Variants in DNAH1 observed in about 807,000 individuals in gnomAD.
DNAH1 encodes dynein axonemal heavy chain 1, also known as axonemal beta dynein heavy chain 1.
DNAH1 carries 327 observed loss-of-function variants against 484.3 expected under a neutral mutation model. The ratio of observed to expected loss-of-function variants is 0.68; its 90% CI spans 0.62 to 0.74. DNAH1 has a LOEUF of 0.74. Among genes scored for constraint, DNAH1 ranks in the 30% least tolerant of loss-of-function variants. The pLI, the probability that DNAH1 is intolerant of heterozygous loss-of-function variation, is 0.00. For missense variants in DNAH1, 5,052 were observed against 5,546.8 expected (o/e 0.91, Z 2.83); for synonymous variants, 2,192 against 2,191.9 (o/e 1.00, Z 0.00).
At chr3:52,323,205 G>A (rs1404167386) in intron 2 of DNAH1, among the ~76,000 whole-genome samples, 2 of 152,166 alleles carry the variant, frequency 1.3e-5, no homozygotes, top group African/African-American at 2.4e-5. Flanking sequence ...GGGCCTGGGA[G>A]CATGTTCCAG....
Position 52,366,364 on chromosome 3 carries a change from G to A in DNAH1, c.5519-93G>A, listed in dbSNP as rs908097111. On this transcript the variant is annotated intron_variant, in intron 34 of 77. Coordinates refer to ENST00000420323, the MANE Select transcript of DNAH1 (RefSeq NM_015512.5). Reference sequence around the variant, plus strand: ...AGATGAGGAAATTGAGGCTCAGGGAGTGCAGTGACTCACCCAAGGTCACAC... The same window carrying A: ...AGATGAGGAAATTGAGGCTCAGGGAATGCAGTGACTCACCCAAGGTCACAC... The A allele has an allele frequency of 5.2e-6, 5 of 958,138 alleles. No homozygotes were observed. In the Admixed American group the frequency reaches 6.8e-5, roughly 13 times the overall value. 59.4% of individuals were successfully genotyped at this position (958,138 alleles called of 1,614,324 possible).
chr3:52,359,383 G>A lies in DNAH1; in HGVS notation c.4404G>A (p.Gln1468=). ...LRSQLFPQLC[Q]QLSDLVALVR... ...GCCAACTGTTCCCCCAGCTCTGCCA[G>A]CAGGTTGGAGTCAAGAGGACCCCTG... is the stretch of plus-strand genomic sequence containing the variant. The change falls in exon 26 of 78, where the codon CAG becomes CAA. Residue 1468 remains glutamine (Q), a synonymous_variant. Transcript: ENST00000420323. 6.4e-7 allele frequency: 1 copy of A among 1,569,594 alleles called. No individual in the cohort carries two copies. The highest frequency in any genetic ancestry group is 8.6e-7 in the Non-Finnish European group (1 of 1,156,782).
In DNAH1 at chr3:52,331,236, C is replaced by T. The variant is rs1052358371; in HGVS notation, c.960C>T (p.His320=). The T allele has an allele frequency of 5.6e-6, 9 of 1,611,234 alleles. No individual in the cohort carries two copies. Among genetic ancestry groups the T allele is most frequent in the East Asian group, 2.2e-5 (1 of 44,850 alleles). Residue 320 remains histidine (H), a synonymous_variant, in exon 7 of 78, where the codon CAC becomes CAT. Coordinates refer to ENST00000420323, the MANE Select transcript of DNAH1 (RefSeq NM_015512.5). Reference sequence around the variant, plus strand: ...AGGAGAAGAAGCTATACCTGGTACACAAGACAGACGAGAAAGGCCTGGTGC... The same window carrying T: ...AGGAGAAGAAGCTATACCTGGTACATAAGACAGACGAGAAAGGCCTGGTGC... ...YDEEKKLYLV[H]KTDEKGLVRD...
chr3:52,398,644 A>G (rs1704750078), intron 75 of DNAH1, among the ~76,000 whole-genome samples: 1 of 151,936 alleles, frequency 6.6e-6, no homozygotes, highest in East Asian at 1.9e-4. Context: ...GTGACCCCAA[A>G]ATGTTCCGTA....
intron 62 of DNAH1, 26 bp downstream of exon 62, chr3:52,391,354 G>T (rs542372397): frequency 1.3e-6 from 2 of 1,599,018 alleles, no homozygotes; most frequent in South Asian, 1.1e-5. Flanking sequence ...TGATGGCAGG[G>T]TGGCAGTAGG....
intron 16 of DNAH1, 96 bp downstream of exon 16, chr3:52,350,686 C>G (rs1559514755): frequency 1.8e-6 from 2 of 1,131,608 alleles, no homozygotes; most frequent in Non-Finnish European, 2.6e-6. Context: ...CTGCCACAGT[C>G]TGTGCAATCT....
chr3:52,345,355 G>A, intron 9 of DNAH1, 140 bp from the exon 10 acceptor site: 1 of 703,756 alleles, frequency 1.4e-6, no homozygotes, highest in Non-Finnish European at 2.4e-6. Flanking sequence ...CTATGGAAAG[G>A]CGGGGCTCTG....
chr3:52,373,820 C>T, intron 44 of DNAH1: 1 of 1,421,924 alleles, frequency 7.0e-7, no homozygotes, highest in South Asian at 1.2e-5. Context: ...GGAATGTGAT[C>T]ACAGAGCCTG....
chr3:52,362,770 G>A lies in DNAH1; in HGVS notation c.5095-225G>A, dbSNP rs1702916779. On this transcript the variant is annotated intron_variant, in intron 31 of 77. Transcript: ENST00000420323. This position sits in a 1 kb window ranked among gnomAD's most constrained non-coding sequence, Gnocchi z 5.1. ...CTTCAGGAGAAACAGGAAAACAGGA[G>A]CCAAGAGGGGCATCTCCTGGGAGTC... Among the ~76,000 whole-genome samples, 2 of 152,170 alleles carry A rather than the reference G, an allele frequency of 1.3e-5. No individual in the cohort carries two copies. Among genetic ancestry groups the A allele is most frequent in the Admixed American group, 1.3e-4 (2 of 15,280 alleles).
At chr3:52,372,522 T>A (rs1703390999) in intron 43 of DNAH1, 135 bp downstream of exon 43, 4 of 1,253,996 alleles carry the variant, frequency 3.2e-6, no homozygotes, top group Non-Finnish European at 4.4e-6. Context: ...AGCCCCCCAA[T>A]GGGCCCAGGG....
chr3:52,328,685 G>A (rs1282903815), intron 6 of DNAH1, among the ~76,000 whole-genome samples: 1 of 152,272 alleles, frequency 6.6e-6, no homozygotes, highest in East Asian at 1.9e-4. Flanking sequence ...CAGCGGCTGT[G>A]GAGGCTCTCC....
At position 52,362,589 on chromosome 3, in the gene DNAH1, G is replaced by C. The variant is rs776619066; in HGVS notation, c.5094+88G>C. 1 of 1,194,102 alleles carries C rather than the reference G, an allele frequency of 8.4e-7. No individual in the cohort carries two copies. The highest frequency in any genetic ancestry group is 1.2e-6 in the Non-Finnish European group (1 of 833,588). The allele number at this position is 1,194,102 out of a possible 1,614,324, so 74.0% of individuals were successfully genotyped here. On this transcript the variant is annotated intron_variant, in intron 31 of 77. Transcript: ENST00000420323. This position sits in a 1 kb window ranked among gnomAD's most constrained non-coding sequence, Gnocchi z 5.1. Reference sequence around the variant, plus strand: ...AAGCCACTTATGCAAGGACACAGTTGCTTGGACTCCAGGGACTGTGATTCC... The same window carrying C: ...AAGCCACTTATGCAAGGACACAGTTCCTTGGACTCCAGGGACTGTGATTCC...
rs759646845 is a variant in DNAH1, at chr3:52,393,014, CAGAG to C, written c.10468_10471del (p.Arg3490GlnfsTer4). ...ATCTTCCTCTCGGGCATCGCCAACT[CAGAG>C]AGAGCAGGTAGCACCGGCATGCCAG... On this transcript the variant is annotated frameshift_variant, in exon 65 of 78. Coordinates refer to ENST00000420323, the MANE Select transcript of DNAH1 (RefSeq NM_015512.5). LOFTEE classifies it high-confidence loss of function. 1.4e-4 allele frequency: 233 copies of C among 1,613,394 alleles called. No individual in the cohort carries two copies. The highest frequency in any genetic ancestry group is 6.2e-4 in the Admixed American group (37 of 60,002).
At chr3:52,382,213 G>T in intron 49 of DNAH1, 107 bp from the exon 50 acceptor site, 1 of 1,576,108 alleles carries the variant, frequency 6.3e-7, no homozygotes, top group East Asian at 2.2e-5. Context: ...GTCTGCCCAG[G>T]ATGGGAGCAG....
At chr3:52,366,618 G>T in intron 35 of DNAH1, 70 bp downstream of exon 35, 1 of 1,553,686 alleles carries the variant, frequency 6.4e-7, no homozygotes, top group East Asian at 2.4e-5. Context: ...CTTCAACAGG[G>T]GTTGGCCTCC....
Position 52,326,853 on chromosome 3 carries a change from G to A in DNAH1, c.700G>A (p.Gly234Ser), listed in dbSNP as rs1300439289. 4.3e-6 allele frequency: 7 copies of A among 1,613,178 alleles called. No individual in the cohort carries two copies. In the African/African-American group the frequency reaches 9.4e-5, roughly 22 times the overall value. ...CCAGCACCCCCAAACCATCGAACAG[G>A]GCCATGACCCAATCTTCCCCATCTA... ...DHQHPQTIEQ[G>S]HDPIFPIYLP... Residue 234 changes from glycine (G) to serine (S), a missense_variant, in exon 5 of 78, where the codon GGC becomes AGC. Coordinates refer to ENST00000420323, the MANE Select transcript of DNAH1 (RefSeq NM_015512.5).
At chr3:52,394,736 C>A (rs930365420) in intron 67 of DNAH1, 75 bp downstream of exon 67, 2 of 1,509,920 alleles carry the variant, frequency 1.3e-6, no homozygotes, top group Non-Finnish European at 1.8e-6. Context: ...TGTCTGGGCG[C>A]CTTCTCTAAG....
chr3:52,369,317 G>A (rs937820563), intron 37 of DNAH1, among the ~76,000 whole-genome samples: 9 of 152,292 alleles, frequency 5.9e-5, no homozygotes, highest in South Asian at 4.1e-4. Context: ...CAGTATGCCC[G>A]GGGTCTGGGA....
intron 8 of DNAH1, 29 bp from the exon 9 acceptor site, chr3:52,344,461 A>G: frequency 1.2e-6 from 2 of 1,606,324 alleles, no homozygotes; most frequent in Non-Finnish European, 1.7e-6. Context: ...GGAGCCCCTG[A>G]TTCCCCCATC....
Sources: gnomAD v4.1 joint callset for allele counts (sites outside exome capture counted in the v4.1 genomes callset) on GRCh38, gnomAD v4.1.1 for gene constraint, Gnocchi (gnomAD v3.1) non-coding constraint, MANE v1.5 for transcripts, NCBI Gene and HGNC (gene_info 2026-07-23, HGNC 2026-07-21) for gene names.